ARNT: variants seen among roughly 807,000 people sequenced by gnomAD.
The protein encoded by ARNT is class E basic helix-loop-helix protein 2.
In ARNT, 30 loss-of-function variants were observed where a neutral mutation model predicts 105.0. The ratio of observed to expected loss-of-function variants is 0.29; its 90% CI spans 0.21 to 0.39. ARNT has a LOEUF of 0.39. Ranked by LOEUF, ARNT falls within the 10% of genes least tolerant of loss-of-function variation. The pLI, the probability that ARNT is intolerant of heterozygous loss-of-function variation, is 1.00. For synonymous variants in ARNT, 304 were observed against 344.0 expected (o/e 0.88, Z 1.29); for missense variants, 748 against 978.7 (o/e 0.76, Z 3.15).
intron 14 of ARNT, 78 bp from the exon 15 acceptor site, chr1:150,818,108 A>C: frequency 9.9e-7 from 1 of 1,014,138 alleles, no homozygotes; most frequent in Non-Finnish European, 1.5e-6. Context: ...GAAGAATAAG[A>C]TTCTGTATGT....
At chr1:150,866,796 G>C (rs984678587) in intron 1 of ARNT, among the ~76,000 whole-genome samples, 3 of 152,114 alleles carry the variant, frequency 2.0e-5, no homozygotes, top group Admixed American at 1.3e-4. Flanking sequence ...TAGTTCCTTA[G>C]CCTGGGGAAA....
intron 1 of ARNT, among the ~76,000 whole-genome samples, chr1:150,869,747 C>A (rs906087908): frequency 1.3e-5 from 2 of 151,928 alleles, no homozygotes; most frequent in Admixed American, 6.6e-5. Flanking sequence ...GAGACAAGGT[C>A]TCCCTATATT....
chr1:150,854,461 C>T (rs961099145), intron 2 of ARNT, among the ~76,000 whole-genome samples: 4 of 19,594 alleles, frequency 2.0e-4, no homozygotes, highest in Admixed American at 1.1e-3. Flanking sequence ...GTTGGGGGGG[C>T]GGGAGGGGCT....
chr1:150,829,005 T>C, intron 12 of ARNT, 88 bp downstream of exon 12: 1 of 1,456,920 alleles, frequency 6.9e-7, no homozygotes, highest in Non-Finnish European at 9.3e-7. Flanking sequence ...GAGGTTGATA[T>C]GTTTTGGCTG....
At position 150,816,550 on chromosome 1, in the gene ARNT, A is replaced by G. The variant is rs587599005; in HGVS notation, c.1803-144T>C. ...ATTTGATAACAATTTGGAAAAGACAAGAAAGACTGACAGTCACACACTGAC... is the reference window on the plus strand; with the variant it reads ...ATTTGATAACAATTTGGAAAAGACAGGAAAGACTGACAGTCACACACTGAC... On this transcript the variant is annotated intron_variant, in intron 18 of 21. Transcript: ENST00000358595. The G allele has an allele frequency of 7.2e-6, 8 of 1,107,744 alleles. No individual in the cohort carries two copies. The Admixed American group carries it at 9.5e-5, about 13-fold the overall frequency. The allele number at this position is 1,107,744 out of a possible 1,614,324, so 68.6% of individuals were successfully genotyped here.
chr1:150,852,910 A>G lies in ARNT; in HGVS notation c.138-104T>C, dbSNP rs922161908. 2.5e-4 allele frequency: 344 copies of G among 1,366,678 alleles called. 5 individuals carry two copies. The highest frequency in any genetic ancestry group is 2.5e-3 in the South Asian group (201 of 81,760). 84.7% of individuals were successfully genotyped at this position (1,366,678 alleles called of 1,614,324 possible). The stretch of plus-strand genomic sequence containing the variant: ...CTACCGGAACACCCACCCAAATGGA[A>G]GAATGGAAAGAGGAAGTGGCAGAAG... On this transcript the variant is annotated intron_variant, in intron 2 of 21. Transcript: ENST00000358595.
chr1:150,819,891 T>TA (rs1656711040), intron 14 of ARNT, among the ~76,000 whole-genome samples: 1 of 152,256 alleles, frequency 6.6e-6, no homozygotes, highest in African/African-American at 2.4e-5. Flanking sequence ...AAACACTGTA[T>TA]ACTTTAAATG....
chr1:150,866,380 T>C (rs1452096498), intron 1 of ARNT, among the ~76,000 whole-genome samples: 2 of 152,236 alleles, frequency 1.3e-5, no homozygotes, highest in Non-Finnish European at 2.9e-5. Flanking sequence ...TTATTCTCTC[T>C]GAAGCTTATA....
chr1:150,849,909 A>G (rs1313190912), intron 3 of ARNT, among the ~76,000 whole-genome samples: 1 of 152,134 alleles, frequency 6.6e-6, no homozygotes, highest in Non-Finnish European at 1.5e-5. Context: ...TACTAAAAAT[A>G]CAAAAATTAG....
chr1:150,822,934 T>C (rs962905692), intron 14 of ARNT, among the ~76,000 whole-genome samples: 3 of 152,178 alleles, frequency 2.0e-5, no homozygotes, highest in African/African-American at 4.8e-5. Context: ...TTTCTTTTTT[T>C]GAAATGGAGT....
intron 2 of ARNT, among the ~76,000 whole-genome samples, chr1:150,854,405 A>G (rs1378466107): frequency 6.7e-6 from 1 of 148,402 alleles, no homozygotes; most frequent in Non-Finnish European, 1.5e-5. Flanking sequence ...AAAACATACA[A>G]AAACTAACCA....
At chr1:150,872,336 G>A (rs958331034) in intron 1 of ARNT, among the ~76,000 whole-genome samples, 2 of 152,072 alleles carry the variant, frequency 1.3e-5, no homozygotes, top group Non-Finnish European at 2.9e-5. Flanking sequence ...AAAGGTAACA[G>A]GTAAGAATTG....
intron 1 of ARNT, among the ~76,000 whole-genome samples, chr1:150,876,286 C>T (rs1263752272): frequency 6.6e-6 from 1 of 152,162 alleles, no homozygotes; most frequent in African/African-American, 2.4e-5. Context: ...CACTGGCTGC[C>T]GCTCCAACGG....
chr1:150,816,133 T>C (rs1655818784), intron 19 of ARNT, 126 bp downstream of exon 19: 18 of 1,231,384 alleles, frequency 1.5e-5, no homozygotes, highest in South Asian at 1.0e-4. Flanking sequence ...AAGATGGAAA[T>C]TGGAAACCGG....
intron 1 of ARNT, among the ~76,000 whole-genome samples, chr1:150,873,990 A>G (rs2102525056): frequency 6.6e-6 from 1 of 150,838 alleles, no homozygotes; most frequent in Non-Finnish European, 1.5e-5. Flanking sequence ...AATATTTTTT[A>G]AAATCTTGAC....
Position 150,839,604 on chromosome 1 carries a change from T to C in ARNT, c.323A>G (p.Tyr108Cys). The C allele has an allele frequency of 1.2e-6, 2 of 1,614,202 alleles. No individual in the cohort carries two copies. Among genetic ancestry groups the C allele is most frequent in the Non-Finnish European group, 1.7e-6 (2 of 1,180,026 alleles). The change falls in exon 6 of 22, where the codon TAC becomes TGC. Residue 108 changes from tyrosine (Y) to cysteine (C), a missense_variant. Physicochemically the swap from Tyr to Cys is radical, Grantham distance 194. Transcript: ENST00000358595. ...TACCATATCTGACAGTTCTGTGATG[T>C]AGGCTGTCATCTTGTTCCGTCGCCG... ...ERRRRNKMTAYITELSDMVPT... is the reference protein window; with the variant it reads ...ERRRRNKMTACITELSDMVPT...
At position 150,827,341 on chromosome 1, in the gene ARNT, C is replaced by T. The variant is rs900385124; in HGVS notation, c.1168-724G>A. Among the ~76,000 whole-genome samples the T allele has an allele frequency of 2.0e-5, 3 of 152,334 alleles. No homozygotes were observed. The East Asian group carries it at 5.8e-4, about 29-fold the overall frequency. The stretch of plus-strand genomic sequence containing the variant: ...CATCTGCAGTCAATCTCTGCTCCCA[C>T]TCCAACTCCCCAGCCAACCACAAAT... On this transcript the variant is annotated intron_variant, in intron 12 of 21. Transcript: ENST00000358595.
At position 150,839,662 on chromosome 1, in the gene ARNT, G is replaced by T. The variant is rs754806488; in HGVS notation, c.273-8C>A. 1 of 1,609,606 alleles carries T rather than the reference G, an allele frequency of 6.2e-7. No individual in the cohort carries two copies. Among genetic ancestry groups the T allele is most frequent in the Admixed American group, 1.7e-5 (1 of 59,238 alleles). ...ATTTCACTGTGATTTTCCCTGCATG[G>T]AAAGAAAGAGAAGCCCCATCCAGGT... On this transcript the variant is annotated splice_polypyrimidine_tract_variant and splice_region_variant and intron_variant, in intron 5 of 21. Coordinates refer to ENST00000358595, the MANE Select transcript of ARNT (RefSeq NM_001668.4).
intron 19 of ARNT, 21 bp from the exon 20 acceptor site, chr1:150,814,260 G>C: frequency 6.2e-7 from 1 of 1,611,760 alleles, no homozygotes; most frequent in Non-Finnish European, 8.5e-7. Flanking sequence ...ATGGAGAGGG[G>C]ATATAGAACA....
Sources: gnomAD v4.1 joint callset for allele counts (sites outside exome capture counted in the v4.1 genomes callset) on GRCh38, gnomAD v4.1.1 for gene constraint, MANE v1.5 for transcripts, NCBI Gene and HGNC (gene_info 2026-07-23, HGNC 2026-07-21) for gene names.